The following RYR2 variants were observed in gnomAD, a reference collection of about 807,000 sequenced individuals.
The protein encoded by RYR2 is cardiac muscle ryanodine receptor-calcium release channel.
RYR2 carries 227 observed loss-of-function variants against 601.1 expected under a neutral mutation model. That is an observed-to-expected ratio of 0.38 (90% CI 0.34 to 0.42). RYR2 has a LOEUF of 0.42. RYR2 is among the 10% of genes least tolerant of loss of function. The pLI is 1.00. For missense variants in RYR2, 4,646 were observed against 6,156.5 expected (o/e 0.75, Z 8.21); for synonymous variants, 2,223 against 2,175.1 (o/e 1.02, Z -0.61).
chr1:237,665,014 T>C (rs1340748311), intron 56 of RYR2, among the ~76,000 whole-genome samples: 5 of 152,208 alleles, frequency 3.3e-5, no homozygotes, highest in African/African-American at 1.2e-4. Context: ...TCCTGATCCA[T>C]TTCTTTGTGT....
intron 1 of RYR2, among the ~76,000 whole-genome samples, chr1:237,224,706 A>T (rs977094479): frequency 2.2e-4 from 33 of 152,070 alleles, no homozygotes; most frequent in Admixed American, 1.2e-3. Context: ...AAAACATTTT[A>T]AAAAAAAGTT....
At chr1:237,239,045 A>G (rs1375455619) in intron 1 of RYR2, among the ~76,000 whole-genome samples, 3 of 152,176 alleles carry the variant, frequency 2.0e-5, no homozygotes, top group Non-Finnish European at 4.4e-5. Flanking sequence ...ATAAAATTAC[A>G]TATATTTTAA....
At chr1:237,061,276 C>CTATCT (rs1553275503) in intron 1 of RYR2, among the ~76,000 whole-genome samples, 4 of 98,720 alleles carry the variant, frequency 4.1e-5, no homozygotes, top group Non-Finnish European at 9.0e-5. Flanking sequence ...ATCCATCTAT[C>CTATCT]ATCTATCTAT....
At chr1:237,150,292 G>A (rs1674565150) in intron 1 of RYR2, among the ~76,000 whole-genome samples, 1 of 152,184 alleles carries the variant, frequency 6.6e-6, no homozygotes, top group Non-Finnish European at 1.5e-5. Context: ...TTCTTGAGAT[G>A]TAGGAATTAA....
At chr1:237,355,012 C>T (rs1699174248) in intron 3 of RYR2, among the ~76,000 whole-genome samples, 1 of 152,096 alleles carries the variant, frequency 6.6e-6, no homozygotes, top group African/African-American at 2.4e-5. Context: ...CATATTGCTT[C>T]CCAAAAGCTT....
At position 237,590,622 on chromosome 1, in the gene RYR2, C is replaced by A. The variant is rs996356470; in HGVS notation, c.3808-18C>A. 1 of 1,489,838 alleles carries A rather than the reference C, an allele frequency of 6.7e-7. No individual in the cohort carries two copies. The highest frequency in any genetic ancestry group is 8.9e-7 in the Non-Finnish European group (1 of 1,117,334). The allele number at this position is 1,489,838 out of a possible 1,614,324, so 92.3% of individuals were successfully genotyped here. Reference sequence around the variant, plus strand: ...CAATGGTGATTGGAATGTGAACTATCGCTTCTTCGTTTGCTAGGTGACCAG... The same window carrying A: ...CAATGGTGATTGGAATGTGAACTATAGCTTCTTCGTTTGCTAGGTGACCAG... On this transcript the variant is annotated intron_variant, in intron 30 of 104. Transcript: ENST00000366574.
In RYR2 at chr1:237,760,689, G is replaced by A. The variant is rs6699085; in HGVS notation, c.11403-266G>A. 0.12 allele frequency among the ~76,000 whole-genome samples: 18,399 copies of A among 152,084 alleles called. 1,174 individuals carry two copies. The highest frequency in any genetic ancestry group is 0.15 in the South Asian group (700 of 4,826). On this transcript the variant is annotated intron_variant, in intron 83 of 104. Transcript: ENST00000366574. ...AGAATTTTATTTCTGCACATCTGCT[G>A]GCTTTGTAATGTACTCCCCATGTTG... is the stretch of plus-strand genomic sequence containing the variant.
At chr1:237,744,791 T>C (rs1490880133) in intron 80 of RYR2, among the ~76,000 whole-genome samples, 1 of 151,192 alleles carries the variant, frequency 6.6e-6, no homozygotes, top group African/African-American at 2.4e-5. Context: ...ATTTTAAAAT[T>C]CCTTTGTAAT....
chr1:237,331,905 A>T (rs1447477926), intron 3 of RYR2, among the ~76,000 whole-genome samples: 1 of 152,192 alleles, frequency 6.6e-6, no homozygotes, highest in Non-Finnish European at 1.5e-5. Flanking sequence ...TGTGACTGAT[A>T]TCTGGGCTGT....
Position 237,106,365 on chromosome 1 carries a change from T to A in RYR2, c.48+63796T>A, listed in dbSNP as rs1376192361. On this transcript the variant is annotated intron_variant, in intron 1 of 104. Transcript: ENST00000366574. The surrounding 1 kb of genome is among the most constrained non-coding windows in gnomAD (Gnocchi z 4.4). ...GAGGTGGCACCGAGCAGCAGGACCC[T>A]GGATATTTTTTTGGACATAGAGCCA... Among the ~76,000 whole-genome samples the A allele has an allele frequency of 6.6e-6, 1 of 152,034 alleles. No individual in the cohort carries two copies.
intron 48 of RYR2, among the ~76,000 whole-genome samples, chr1:237,644,296 G>A (rs544356820): frequency 3.3e-5 from 5 of 151,926 alleles, no homozygotes; most frequent in South Asian, 2.1e-4. Flanking sequence ...GCAGTGGCGC[G>A]ATCTTGGCTC....
intron 1 of RYR2, among the ~76,000 whole-genome samples, chr1:237,249,332 G>A (rs1156983458): frequency 2.0e-5 from 3 of 152,110 alleles, no homozygotes; most frequent in Non-Finnish European, 2.9e-5. Context: ...CAAGGTCCTC[G>A]TGGGTGATCA....
At chr1:237,427,373 TTTAAAA>T (rs1455019824) in intron 12 of RYR2, among the ~76,000 whole-genome samples, 6 of 152,184 alleles carry the variant, frequency 3.9e-5, no homozygotes, top group Admixed American at 2.6e-4. Flanking sequence ...TGTATCACAA[TTTAAAA>T]TTAAAATAAT....
chr1:237,350,612 T>A (rs1571930471), intron 3 of RYR2, among the ~76,000 whole-genome samples: 7 of 95,966 alleles, frequency 7.3e-5, no homozygotes, highest in East Asian at 6.2e-4. Context: ...AATATATATA[T>A]ATATATATAT....
At chr1:237,716,019 A>C (rs1334740321) in intron 71 of RYR2, among the ~76,000 whole-genome samples, 1 of 152,164 alleles carries the variant, frequency 6.6e-6, no homozygotes, top group African/African-American at 2.4e-5. Context: ...TAAAAATGGG[A>C]TTCATGCAAT....
At chr1:237,094,506 A>T (rs1434136436) in intron 1 of RYR2, among the ~76,000 whole-genome samples, 1 of 143,196 alleles carries the variant, frequency 7.0e-6, no homozygotes, top group East Asian at 2.3e-4. Flanking sequence ...TGATGGACAG[A>T]AGTGACTTAA....
At chr1:237,494,660 C>T (rs112562917) in intron 19 of RYR2, among the ~76,000 whole-genome samples, 1,652 of 152,266 alleles carry the variant, frequency 0.011, 27 homozygotes, top group African/African-American at 0.037. Flanking sequence ...TAAGAAATAA[C>T]GGCTTACAAT....
intron 2 of RYR2, among the ~76,000 whole-genome samples, chr1:237,306,186 ATT>A (rs1693844150): frequency 5.3e-5 from 8 of 152,358 alleles, no homozygotes; most frequent in African/African-American, 1.9e-4. Context: ...AGCTGATAGG[ATT>A]AATACCATTT....
chr1:237,127,573 C>A (rs748061780), intron 1 of RYR2, among the ~76,000 whole-genome samples: 203 of 151,134 alleles, frequency 1.3e-3, no homozygotes, highest in Middle Eastern at 3.4e-3. Flanking sequence ...TGACCCCCCC[C>A]ACCTCCCTCC....
Sources: allele counts gnomAD v4.1 joint callset (sites outside exome capture counted in the v4.1 genomes callset), GRCh38; gene constraint gnomAD v4.1.1; non-coding constraint Gnocchi (gnomAD v3.1); transcripts MANE v1.5; gene names NCBI Gene and HGNC (gene_info 2026-07-23, HGNC 2026-07-21).